The following FGF14 variants were observed in gnomAD, a reference collection of about 807,000 sequenced individuals.
The protein encoded by FGF14 is fibroblast growth factor 14.
FGF14 carries 5 observed loss-of-function variants against 25.5 expected under a neutral mutation model. The ratio of observed to expected loss-of-function variants is 0.20; its 90% confidence interval spans 0.10 to 0.41. FGF14 has a LOEUF of 0.41. Ranked by LOEUF, FGF14 falls within the 10% of genes least tolerant of loss-of-function variation. The pLI is 1.00. For missense variants in FGF14, 222 were observed against 320.1 expected (o/e 0.69, Z 2.34); for synonymous variants, 138 against 118.3 (o/e 1.17, Z -1.08).
At chr13:102,246,774 C>T (rs975893246) in intron 1 of FGF14, among the ~76,000 whole-genome samples, 3 of 145,992 alleles carry the variant, frequency 2.1e-5, no homozygotes, top group Non-Finnish European at 4.5e-5. Flanking sequence ...ATATATATCC[C>T]AAATAGCCAA....
At chr13:102,000,516 C>A (rs1223726626) in intron 1 of FGF14, among the ~76,000 whole-genome samples, 1 of 152,108 alleles carries the variant, frequency 6.6e-6, no homozygotes, top group African/African-American at 2.4e-5. Flanking sequence ...AAATTGGCCT[C>A]ATTTATAGTT....
At chr13:101,864,327 T>C (rs1226512794) in intron 3 of FGF14, among the ~76,000 whole-genome samples, 2 of 152,160 alleles carry the variant, frequency 1.3e-5, no homozygotes, top group Admixed American at 6.6e-5. Flanking sequence ...GAGTAGTCCA[T>C]TTACTGATTT....
chr13:102,220,190 A>G (rs1275591702), intron 1 of FGF14, among the ~76,000 whole-genome samples: 1 of 152,174 alleles, frequency 6.6e-6, no homozygotes, highest in Non-Finnish European at 1.5e-5. Flanking sequence ...CAACCCTGTA[A>G]GAGAAAAGTG....
chr13:101,960,550 C>T (rs1385861222), intron 1 of FGF14, among the ~76,000 whole-genome samples: 1 of 152,182 alleles, frequency 6.6e-6, no homozygotes, highest in East Asian at 1.9e-4. Context: ...GCAAAGTTTT[C>T]CATAGTGTAT....
At chr13:102,317,520 T>C (rs1317794476) in intron 1 of FGF14, among the ~76,000 whole-genome samples, 2 of 152,230 alleles carry the variant, frequency 1.3e-5, no homozygotes, top group Non-Finnish European at 2.9e-5. Flanking sequence ...ATAAATTATA[T>C]CACTTAAATA....
chr13:102,293,839 G>T (rs1798749414), intron 1 of FGF14: 1 of 152,184 alleles, frequency 6.6e-6, no homozygotes, highest in Non-Finnish European at 1.5e-5. Context: ...TCACTTGCAT[G>T]CTGAGAAGTG....
chr13:102,075,918 A>G (rs1595187174), intron 1 of FGF14, among the ~76,000 whole-genome samples: 2 of 151,520 alleles, frequency 1.3e-5, no homozygotes, highest in Middle Eastern at 3.4e-3. Flanking sequence ...TAAATTCTAG[A>G]AAAAACCTTA....
At chr13:102,149,732 G>A (rs1180744903) in intron 1 of FGF14, among the ~76,000 whole-genome samples, 3 of 152,212 alleles carry the variant, frequency 2.0e-5, no homozygotes, top group South Asian at 2.1e-4. Flanking sequence ...CGACGAAGTC[G>A]AGGGACATCA....
intron 1 of FGF14, among the ~76,000 whole-genome samples, chr13:102,121,574 G>C (rs915902096): frequency 6.6e-6 from 1 of 152,078 alleles, no homozygotes; most frequent in African/African-American, 2.4e-5. Flanking sequence ...ATCATATTTT[G>C]TTGCCAATAA....
In FGF14 at chr13:102,092,573, G is replaced by C. The variant is rs143700645; in HGVS notation, c.209-217277C>G. Among the ~76,000 whole-genome samples the C allele has an allele frequency of 5.4e-4, 82 of 152,174 alleles. No individual in the cohort carries two copies. In the Middle Eastern group the frequency reaches 0.014, roughly 25 times the overall value. On this transcript the variant is annotated intron_variant, in intron 1 of 4. Transcript: ENST00000376131. ...GTCTCAAAGTCTAAGTTATAATGAA[G>C]ATAGTTTTTATGAAAAGGATAATAT...
intron 1 of FGF14, among the ~76,000 whole-genome samples, chr13:102,240,862 T>C (rs1334669750): frequency 6.6e-6 from 1 of 152,116 alleles, no homozygotes; most frequent in Non-Finnish European, 1.5e-5. Flanking sequence ...TACCCTCTTA[T>C]TTAAAAAAAT....
chr13:102,256,645 C>T (rs2052454564), intron 1 of FGF14, among the ~76,000 whole-genome samples: 1 of 152,188 alleles, frequency 6.6e-6, no homozygotes, highest in Non-Finnish European at 1.5e-5. Context: ...TCTGGAATTT[C>T]CCACATTTTA....
intron 3 of FGF14, among the ~76,000 whole-genome samples, chr13:101,751,032 G>A (rs1185323995): frequency 6.6e-6 from 1 of 152,056 alleles, no homozygotes; most frequent in Non-Finnish European, 1.5e-5. Flanking sequence ...AGAGGAGAGG[G>A]GGAGGGTGGA....
chr13:102,361,118 T>C (rs964749994), intron 1 of FGF14, among the ~76,000 whole-genome samples: 2 of 152,316 alleles, frequency 1.3e-5, no homozygotes, highest in African/African-American at 4.8e-5. Flanking sequence ...TAAAAAGTTA[T>C]ATAATACAGC....
rs191413023 is a variant in FGF14, at chr13:101,875,057, C to T, written c.304+129G>A. 208 of 720,962 alleles carry T rather than the reference C, an allele frequency of 2.9e-4. 1 individual carries two copies. The African/African-American group carries it at 3.4e-3, about 12-fold the overall frequency. 44.7% of individuals were successfully genotyped at this position (720,962 alleles called of 1,614,324 possible). A position where few individuals can be genotyped will look rare whatever the true frequency, so the allele number is the denominator to read the frequency against. ...GTTTAAATAAAATTGTAAATGGCATCCTAGTGTGTAACATTTGTAAAGATG... is the reference window on the plus strand; with the variant it reads ...GTTTAAATAAAATTGTAAATGGCATTCTAGTGTGTAACATTTGTAAAGATG... On this transcript the variant is annotated intron_variant, in intron 2 of 4. Transcript: ENST00000376143.
At position 101,722,214 on chromosome 13, in the gene FGF14, T is replaced by A. The variant is rs1424941907; in HGVS notation, c.*617A>T. On this transcript the variant is annotated 3_prime_UTR_variant, in exon 5 of 5. Transcript: ENST00000376143. Reference sequence around the variant, plus strand: ...CAGAGACAACAATCTTTCTTAATCTTTCTTTATAGATGCAATTTGTAATAA... The same window carrying A: ...CAGAGACAACAATCTTTCTTAATCTATCTTTATAGATGCAATTTGTAATAA... 3 of 169,532 alleles carry A rather than the reference T, an allele frequency of 1.8e-5. No individual in the cohort carries two copies. The highest frequency in any genetic ancestry group is 7.2e-5 in the African/African-American group (3 of 41,526). The allele number at this position is 169,532 out of a possible 1,614,324, so 10.5% of individuals were successfully genotyped here. A position where few individuals can be genotyped will look rare whatever the true frequency, so the allele number is the denominator to read the frequency against.
chr13:101,960,368 C>T (rs2036771701), intron 1 of FGF14, among the ~76,000 whole-genome samples: 1 of 152,180 alleles, frequency 6.6e-6, no homozygotes, highest in Admixed American at 6.5e-5. Flanking sequence ...GCATACTCCA[C>T]CTGACAGGCC....
At chr13:102,083,583 C>A (rs897766125) in intron 1 of FGF14, among the ~76,000 whole-genome samples, 1 of 152,190 alleles carries the variant, frequency 6.6e-6, no homozygotes, top group Admixed American at 6.5e-5. Context: ...CAACTGCCAA[C>A]GAAAGAAGCT....
At chr13:101,872,145 T>C (rs1594559774) in intron 2 of FGF14, among the ~76,000 whole-genome samples, 1 of 151,934 alleles carries the variant, frequency 6.6e-6, no homozygotes, top group East Asian at 2.0e-4. Context: ...CTCAATTTTG[T>C]TATTTAGTGA....
Sources: gnomAD v4.1 joint callset for allele counts (sites outside exome capture counted in the v4.1 genomes callset) on GRCh38, gnomAD v4.1.1 for gene constraint, MANE v1.5 for transcripts, NCBI Gene and HGNC (gene_info 2026-07-23, HGNC 2026-07-21) for gene names.